The following NR2E3 variants were observed in gnomAD, a reference collection of about 807,000 sequenced individuals.
NR2E3 encodes the protein photoreceptor-specific nuclear receptor.
Under a neutral mutation model 37.6 loss-of-function variants are expected in NR2E3, and 38 were observed. The observed-to-expected ratio is 1.01, with a 90% CI of 0.78 to 1.33. The LOEUF (loss-of-function observed/expected upper bound fraction) is 1.33, where lower values mean the gene tolerates loss of function less well. Among genes scored for constraint, NR2E3 ranks in the 40% most tolerant of loss-of-function variants. The pLI is 0.00. For synonymous variants in NR2E3, 235 were observed against 225.1 expected, an observed-to-expected ratio of 1.04 and a Z score of -0.39; for missense variants, 562 against 558.7, an observed-to-expected ratio of 1.01 and a Z score of -0.06.
intron 7 of NR2E3, among the ~76,000 whole-genome samples, chr15:71,815,867 G>A (rs1440692823): frequency 2.0e-5 from 3 of 152,132 alleles, no homozygotes; most frequent in Admixed American, 1.3e-4. Flanking sequence ...ACTAGGTGAG[G>A]CAATACCTGC....
chr15:71,812,305 G>T, intron 4 of NR2E3, 31 bp from the exon 5 acceptor site: 1 of 1,613,900 alleles, frequency 6.2e-7, no homozygotes, highest in Non-Finnish European at 8.5e-7. Context: ...CGAGAAGCAG[G>T]CGCTAAGATC....
At position 71,811,512 on chromosome 15, in the gene NR2E3, T is replaced by C; in HGVS notation, c.148T>C (p.Cys50Arg). 1 of 1,569,542 alleles carries C rather than the reference T, an allele frequency of 6.4e-7. No homozygotes were observed. Among genetic ancestry groups the C allele is most frequent in the Non-Finnish European group, 8.6e-7 (1 of 1,157,920 alleles). Residue 50 changes from cysteine (C) to arginine (R), a missense_variant, in exon 2 of 8, where the codon TGC (cysteine) becomes CGC (arginine). Transcript: ENST00000617575. The surrounding 1 kb of genome is among the most constrained non-coding windows in gnomAD (Gnocchi z 5.6). ...GVSPSLQCRV[C>R]GDSSSGKHYG... ...GAGCCCCTCGCTCCAGTGCCGCGTGTGCGGAGACAGCAGCAGCGGGAAGCA... is the reference window on the plus strand; with the variant it reads ...GAGCCCCTCGCTCCAGTGCCGCGTGCGCGGAGACAGCAGCAGCGGGAAGCA...
At position 71,810,886 on chromosome 15, in the gene NR2E3, T is replaced by G. The variant is rs113710977; in HGVS notation, c.118+25T>G. Reference sequence around the variant, plus strand: ...GGTATGGCTTCTCCTGGAGGTAGGGTTGGGTCTGGGCCCTTGGGGAGCAGG... The same window carrying G: ...GGTATGGCTTCTCCTGGAGGTAGGGGTGGGTCTGGGCCCTTGGGGAGCAGG... On this transcript the variant is annotated intron_variant, in intron 1 of 7. Coordinates refer to ENST00000617575, the MANE Select transcript of NR2E3 (RefSeq NM_014249.4). The G allele has an allele frequency of 2.8e-4, 425 of 1,537,106 alleles. 3 individuals carry two copies. In the African/African-American group the frequency reaches 4.4e-3, roughly 16 times the overall value.
intron 7 of NR2E3, among the ~76,000 whole-genome samples, chr15:71,816,283 C>G: frequency 1.5e-5 from 2 of 130,186 alleles, no homozygotes; most frequent in South Asian, 5.0e-4. Flanking sequence ...TTTTTTGAGA[C>G]GGAGTCTCTC....
At position 71,811,956 on chromosome 15, in the gene NR2E3, C is replaced by A. The variant is rs572488420; in HGVS notation, c.351C>A (p.Ala117=). 6.5e-7 allele frequency: 1 copy of A among 1,550,032 alleles called. No individual in the cohort carries two copies. ...TCCTGACCCTTCCTGCCTCCCCAGC[C>A]GTGCAGAACGAGCGCCAGCCGCGAA... ...KCLQAGMNQD[A]VQNERQPRST... The change falls in exon 4 of 8, where the codon GCC becomes GCA. Residue 117 remains alanine, a splice_region_variant and synonymous_variant. Transcript: ENST00000617575. The surrounding 1 kb of genome is among the most constrained non-coding windows in gnomAD (Gnocchi z 5.6).
At chr15:71,812,536 G>A (rs2054193999) in intron 5 of NR2E3, 25 bp downstream of exon 5, 2 of 1,580,582 alleles carry the variant, frequency 1.3e-6, no homozygotes, top group Non-Finnish European at 1.7e-6. Flanking sequence ...GCCTGCTGGG[G>A]AGCTAGGCTG....
intron 4 of NR2E3, 77 bp downstream of exon 4, chr15:71,812,253 A>G (rs1369272954): frequency 1.2e-6 from 2 of 1,608,364 alleles, no homozygotes; most frequent in African/African-American, 2.7e-5. Flanking sequence ...CCTTGCCTTG[A>G]TCCTCCCTCC....
At chr15:71,815,454 A>C (rs1034163757) in intron 7 of NR2E3, among the ~76,000 whole-genome samples, 1 of 152,260 alleles carries the variant, frequency 6.6e-6, no homozygotes, top group Admixed American at 6.5e-5. Flanking sequence ...TAGCATCTGA[A>C]GAGTGGGATT....
rs560382490 is a variant in NR2E3 at position 71,813,150 on chromosome 15, G to A, written c.748-239G>A. 6.6e-6 allele frequency among the ~76,000 whole-genome samples: 1 copy of A among 152,314 alleles called. No homozygotes were observed. The highest frequency in any genetic ancestry group is 2.1e-4 in the South Asian group (1 of 4,826). On this transcript the variant is annotated intron_variant, in intron 5 of 7. Transcript: ENST00000617575. This position sits in a 1 kb window ranked among gnomAD's most constrained non-coding sequence, Gnocchi z 4.7. ...GGCTGCCCAACTTCCAATGGCTCTG[G>A]GCGTTCCTAAATGTCCCAGCTGCAG...
chr15:71,810,751 C>T lies in NR2E3; in HGVS notation c.8C>T (p.Thr3Ile). The T allele has an allele frequency of 8.9e-6, 14 of 1,569,368 alleles. No homozygotes were observed. The highest frequency in any genetic ancestry group is 1.2e-5 in the Non-Finnish European group (14 of 1,157,936). The change falls in exon 1 of 8, where the codon ACC becomes ATC. Residue 3 changes from threonine to isoleucine, a missense_variant. Physicochemically the swap from Thr to Ile is moderately conservative, Grantham distance 89. Coordinates refer to ENST00000617575, the MANE Select transcript of NR2E3 (RefSeq NM_014249.4). ME[T>I]RPTALMSSTV... ...GAGGCTGCCCTGTAACCCATGGAGA[C>T]CAGACCAACAGCTCTGATGAGCTCC...
At chr15:71,814,720 A>G (rs1255952531) in intron 7 of NR2E3, 1 of 986,230 alleles carries the variant, frequency 1.0e-6, no homozygotes, top group Non-Finnish European at 1.2e-6. Context: ...GGTCATACAC[A>G]GGGCTGGACC....
Position 71,811,527 on chromosome 15 carries a change from A to G in NR2E3, c.163A>G (p.Ser55Gly), listed in dbSNP as rs749383991. 13 of 1,580,642 alleles carry G rather than the reference A, an allele frequency of 8.2e-6. No homozygotes were observed. Among genetic ancestry groups the G allele is most frequent in the Middle Eastern group, 1.7e-4 (1 of 5,920 alleles). Residue 55 changes from serine (S) to glycine (G), a missense_variant, in exon 2 of 8, where the codon AGC (serine) becomes GGC (glycine). Ser to Gly is a moderately conservative substitution (Grantham distance 56). Coordinates refer to ENST00000617575, the MANE Select transcript of NR2E3 (RefSeq NM_014249.4). The surrounding 1 kb of genome is among the most constrained non-coding windows in gnomAD (Gnocchi z 5.6). ...GTGCCGCGTGTGCGGAGACAGCAGC[A>G]GCGGGAAGCACTATGGCATCTATGC... is the stretch of plus-strand genomic sequence containing the variant. ...LQCRVCGDSS[S>G]GKHYGIYACN...
intron 5 of NR2E3, 55 bp downstream of exon 5, chr15:71,812,566 A>C: frequency 6.8e-7 from 1 of 1,479,890 alleles, no homozygotes; most frequent in Non-Finnish European, 9.1e-7. Flanking sequence ...CAGGCGGCCC[A>C]CTCGAGTCAA....
rs1447537204 is a variant in NR2E3, at chr15:71,810,619, TCAGA to T, written c.-120_-117del. On this transcript the variant is annotated 5_prime_UTR_variant, in exon 1 of 8. Coordinates refer to ENST00000617575, the MANE Select transcript of NR2E3 (RefSeq NM_014249.4). ...CGGGACCTTGGGGCAGCTCCTGAGT[TCAGA>T]CAGAGTTCAGGAAGGGAGACAGGGG... is the stretch of plus-strand genomic sequence containing the variant. 1 of 1,440,002 alleles carries T rather than the reference TCAGA, an allele frequency of 6.9e-7. No individual in the cohort carries two copies. The highest frequency in any genetic ancestry group is 2.5e-5 in the East Asian group (1 of 39,706). The allele number at this position is 1,440,002 out of a possible 1,614,324, so 89.2% of individuals were successfully genotyped here.
At position 71,811,460 on chromosome 15, in the gene NR2E3, C is replaced by T; in HGVS notation, c.119-23C>T. On this transcript the variant is annotated intron_variant, in intron 1 of 7. Coordinates refer to ENST00000617575, the MANE Select transcript of NR2E3 (RefSeq NM_014249.4). The surrounding 1 kb of genome is among the most constrained non-coding windows in gnomAD (Gnocchi z 5.6). ...GCCCCGGCCCAGCCCTGCCCTGGCC[C>T]AGCCCTGCCCCCTGCCCCTCAGGCG... The T allele has an allele frequency of 6.5e-7, 1 of 1,549,816 alleles. No individual in the cohort carries two copies. Among genetic ancestry groups the T allele is most frequent in the Non-Finnish European group, 8.7e-7 (1 of 1,146,740 alleles).
Position 71,814,126 on chromosome 15 carries a change from A to T in NR2E3, c.1100+9A>T. 6.2e-7 allele frequency: 1 copy of T among 1,607,640 alleles called. No homozygotes were observed. Among genetic ancestry groups the T allele is most frequent in the Non-Finnish European group, 8.5e-7 (1 of 1,179,240 alleles). ...CCCAGCCAGCCCGTGAGGTGACCTG[A>T]GCATGCGCCCACCCACTCATCTGTC... On this transcript the variant is annotated intron_variant, in intron 7 of 7. Transcript: ENST00000617575.
rs374027410 is a variant in NR2E3 at position 71,811,775 on chromosome 15, G to A, written c.255G>A (p.Val85=). The A allele has an allele frequency of 5.8e-6, 9 of 1,550,794 alleles. No individual in the cohort carries two copies. In the African/African-American group the frequency reaches 1.2e-4, roughly 21 times the overall value. Residue 85 remains valine (V), a synonymous_variant, in exon 3 of 8, where the codon GTG becomes GTA. Transcript: ENST00000617575. This position sits in a 1 kb window ranked among gnomAD's most constrained non-coding sequence, Gnocchi z 5.6. Reference sequence around the variant, plus strand: ...TCCTCTTCACCTGCAGGTGCCAGGTGGGGGCAGGGATGTGCCCCGTGGACA... The same window carrying A: ...TCCTCTTCACCTGCAGGTGCCAGGTAGGGGCAGGGATGTGCCCCGTGGACA... The part of the protein sequence containing the change: ...VRRRLIYRCQ[V]GAGMCPVDKA...
Position 71,813,949 on chromosome 15 carries a change from T to G in NR2E3, c.995-63T>G. The stretch of plus-strand genomic sequence containing the variant: ...GCAGCCAGAACCCTGGGCCACCACT[T>G]CATGGCCAGCCTTATAACAGCCGTA... On this transcript the variant is annotated intron_variant, in intron 6 of 7. Transcript: ENST00000617575. The surrounding 1 kb of genome is among the most constrained non-coding windows in gnomAD (Gnocchi z 4.7). 3 of 1,564,082 alleles carry G rather than the reference T, an allele frequency of 1.9e-6. No homozygotes were observed. The highest frequency in any genetic ancestry group is 1.7e-6 in the Non-Finnish European group (2 of 1,156,276).
At position 71,812,189 on chromosome 15, in the gene NR2E3, G is replaced by A. The variant is rs1011522322; in HGVS notation, c.571+13G>A. The stretch of plus-strand genomic sequence containing the variant: ...GAGCCAGAGGATGGTGAGTGGGAGA[G>A]CAGCTGAGGGCACAGCAGGGCTTGG... On this transcript the variant is annotated intron_variant, in intron 4 of 7. Coordinates refer to ENST00000617575, the MANE Select transcript of NR2E3 (RefSeq NM_014249.4). 1.3e-6 allele frequency: 2 copies of A among 1,593,036 alleles called. No individual in the cohort carries two copies. Among genetic ancestry groups the A allele is most frequent in the African/African-American group, 2.7e-5 (2 of 74,516 alleles).
Sources: gnomAD v4.1 joint callset for allele counts (sites outside exome capture counted in the v4.1 genomes callset) on GRCh38, gnomAD v4.1.1 for gene constraint, Gnocchi (gnomAD v3.1) non-coding constraint, MANE v1.5 for transcripts, NCBI Gene and HGNC (gene_info 2026-07-23, HGNC 2026-07-21) for gene names.